The following CPED1 variants were observed in gnomAD, a reference collection of about 807,000 sequenced individuals.
CPED1 encodes cadherin like and PC-esterase domain containing 1.
CPED1 carries 114 observed loss-of-function variants against 128.2 expected under a neutral mutation model. The observed-to-expected ratio is 0.89, with a 90% CI of 0.76 to 1.04. The LOEUF is 1.04. Among genes scored for constraint, CPED1 ranks in the 50% least tolerant of loss-of-function variants. The pLI is 0.00. For synonymous variants in CPED1, 462 were observed against 426.7 expected (o/e 1.08, Z -1.02); for missense variants, 1,211 against 1,207.1 (o/e 1.00, Z -0.05).
chr7:121,019,415 A>C (rs182405620), intron 3 of CPED1, among the ~76,000 whole-genome samples: 1 of 152,174 alleles, frequency 6.6e-6, no homozygotes, highest in South Asian at 2.1e-4. Context: ...TCAGTGTTTT[A>C]TCTCATGCAG....
In CPED1 at chr7:121,130,254, C is replaced by T. The variant is rs1563038110; in HGVS notation, c.1537C>T (p.Gln513Ter). Reference protein sequence around the residue: ...WSLLNVFEQFQFMNKKTQPHP... With the variant: ...WSLLNVFEQF Reference sequence around the variant, plus strand: ...TCTTTTAAATGTATTTGAACAATTTCAGTTCATGAATAAAAAGACACAGCC... The same window carrying T: ...TCTTTTAAATGTATTTGAACAATTTTAGTTCATGAATAAAAAGACACAGCC... The change falls in exon 12 of 23, where the codon CAG becomes TAG. Residue 513 changes from glutamine (Q) to a stop codon, truncating the protein, a stop_gained. Transcript: ENST00000310396. LOFTEE classifies it high-confidence loss of function. The T allele has an allele frequency of 6.2e-7, 1 of 1,608,614 alleles. No homozygotes were observed. The highest frequency in any genetic ancestry group is 8.5e-7 in the Non-Finnish European group (1 of 1,177,802).
At chr7:121,114,869 G>C (rs1795198965) in intron 7 of CPED1, among the ~76,000 whole-genome samples, 1 of 152,180 alleles carries the variant, frequency 6.6e-6, no homozygotes, top group South Asian at 2.1e-4. Context: ...AAGGATAAAG[G>C]TACTTCTACT....
chr7:121,296,202 TGAAAG>T lies in CPED1; in HGVS notation c.*555_*559del, dbSNP rs1400878816. ...TCCTATACTTTTTAAATTTTATTAC[TGAAAG>T]GAAAAGAACAGGAATGTTCCACAAG... is the stretch of plus-strand genomic sequence containing the variant. On this transcript the variant is annotated 3_prime_UTR_variant, in exon 23 of 23. Transcript: ENST00000310396. The T allele has an allele frequency of 2.6e-5, 4 of 152,598 alleles. No homozygotes were observed. Among genetic ancestry groups the T allele is most frequent in the African/African-American group, 9.6e-5 (4 of 41,460 alleles). The allele number at this position is 152,598 out of a possible 1,614,324, so 9.5% of individuals were successfully genotyped here.
chr7:121,129,186 T>C (rs1262350685), intron 11 of CPED1, among the ~76,000 whole-genome samples: 5 of 150,728 alleles, frequency 3.3e-5, no homozygotes, highest in African/African-American at 1.2e-4. Context: ...GAAATATCTT[T>C]TTGAAATAGC....
At chr7:121,246,522 A>G (rs1798538311) in intron 18 of CPED1, among the ~76,000 whole-genome samples, 1 of 152,192 alleles carries the variant, frequency 6.6e-6, no homozygotes, top group African/African-American at 2.4e-5. Flanking sequence ...CAGCAAAGAG[A>G]GAGAAAGAGT....
chr7:121,088,177 G>A (rs1200668283), intron 5 of CPED1, among the ~76,000 whole-genome samples: 1 of 152,060 alleles, frequency 6.6e-6, no homozygotes, highest in African/African-American at 2.4e-5. Context: ...GTTATACAGG[G>A]CCATGCAAAC....
intron 22 of CPED1, among the ~76,000 whole-genome samples, chr7:121,291,099 G>A (rs1792691028): frequency 6.6e-6 from 1 of 152,218 alleles, no homozygotes; most frequent in African/African-American, 2.4e-5. Flanking sequence ...GTTTGTCAAA[G>A]ATCAGATGGT....
chr7:121,277,334 A>G (rs978200344), intron 22 of CPED1, among the ~76,000 whole-genome samples: 4 of 149,272 alleles, frequency 2.7e-5, no homozygotes, highest in Admixed American at 6.6e-5. Flanking sequence ...GAGATCTCCA[A>G]TGGGCAGTTG....
intron 3 of CPED1, among the ~76,000 whole-genome samples, chr7:121,036,345 C>T (rs1475752156): frequency 6.6e-6 from 1 of 152,016 alleles, no homozygotes; most frequent in East Asian, 1.9e-4. Context: ...CATAGCAGCT[C>T]CCACATAATA....
intron 21 of CPED1, among the ~76,000 whole-genome samples, chr7:121,270,666 T>C (rs1222874668): frequency 1.3e-5 from 2 of 152,050 alleles, no homozygotes; most frequent in African/African-American, 4.8e-5. Flanking sequence ...TTTTGTTGAG[T>C]TTGTTGAAAT....
chr7:121,162,273 T>C (rs1355497838), intron 16 of CPED1, among the ~76,000 whole-genome samples: 6 of 152,236 alleles, frequency 3.9e-5, no homozygotes, highest in Non-Finnish European at 8.8e-5. Flanking sequence ...TTTGGAAGGA[T>C]GATTCAGTAT....
chr7:121,156,724 A>T (rs949886467), intron 16 of CPED1, among the ~76,000 whole-genome samples: 5 of 152,230 alleles, frequency 3.3e-5, no homozygotes, highest in African/African-American at 4.8e-5. Context: ...ATATAGCTAT[A>T]CTTATTACCA....
intron 16 of CPED1, among the ~76,000 whole-genome samples, chr7:121,152,307 T>C (rs754377935): frequency 9.2e-5 from 14 of 152,254 alleles, no homozygotes; most frequent in Admixed American, 5.2e-4. Flanking sequence ...GGAAAATAAA[T>C]ATTGCATGTG....
intron 3 of CPED1, among the ~76,000 whole-genome samples, chr7:121,022,014 G>A (rs1685328817): frequency 6.6e-6 from 1 of 151,602 alleles, no homozygotes; most frequent in Non-Finnish European, 1.5e-5. Flanking sequence ...CTGAAATTCT[G>A]ACATACTCTC....
At chr7:121,187,758 C>A (rs1797037552) in intron 16 of CPED1, among the ~76,000 whole-genome samples, 1 of 152,100 alleles carries the variant, frequency 6.6e-6, no homozygotes, top group Non-Finnish European at 1.5e-5. Context: ...ATTATAAAAT[C>A]TCTACTAACC....
rs780263469 is a variant in CPED1, at chr7:121,236,837, T to C, written c.2173+6T>C. On this transcript the variant is annotated splice_donor_region_variant and intron_variant, in intron 17 of 22. Transcript: ENST00000310396. ...TCCATCTGGGGACATGAAAGGTGAC[T>C]ATCACATTGGATATCACTTCTCTAA... The C allele has an allele frequency of 7.0e-7, 1 of 1,430,910 alleles. No homozygotes were observed. The highest frequency in any genetic ancestry group is 1.2e-5 in the South Asian group (1 of 83,496). The allele number at this position is 1,430,910 out of a possible 1,614,324, so 88.6% of individuals were successfully genotyped here. A position where few individuals can be genotyped will look rare whatever the true frequency, so the allele number is the denominator to read the frequency against.
chr7:121,103,519 T>TA (rs1479755534), intron 7 of CPED1, among the ~76,000 whole-genome samples: 2 of 152,172 alleles, frequency 1.3e-5, no homozygotes, highest in African/African-American at 4.8e-5. Flanking sequence ...TCCTCAGAAA[T>TA]ACTGCTTTCT....
rs115877328 is a variant in CPED1 at position 121,006,760 on chromosome 7, T to C, written c.250-8905T>C. On this transcript the variant is annotated intron_variant, in intron 2 of 22. Coordinates refer to ENST00000310396, the MANE Select transcript of CPED1 (RefSeq NM_024913.5). ...TATCCCTGTGTTTTTGTAATCTCAG[T>C]TGGATCTGTGTTATGTCTGTGAGGT... 7.3e-3 allele frequency among the ~76,000 whole-genome samples: 1,106 copies of C among 152,268 alleles called. 21 individuals carry two copies. Among genetic ancestry groups the C allele is most frequent in the African/African-American group, 0.025 (1,047 of 41,562 alleles).
At position 121,256,119 on chromosome 7, in the gene CPED1, A is replaced by AAC. The variant is rs1562852684; in HGVS notation, c.2311-10107_2311-10106insCA. Among the ~76,000 whole-genome samples the AAC allele has an allele frequency of 2.0e-3, 183 of 90,456 alleles. 2 individuals carry two copies. Among genetic ancestry groups the AAC allele is most frequent in the African/African-American group, 5.2e-3 (177 of 33,848 alleles). The allele number at this position is 90,456 out of a possible 152,430, so 59.3% of individuals were successfully genotyped here. Reference sequence around the variant, plus strand: ...GTTAAAGCAATCCTAAGCAAAAAAAAAAAACAAAACAAAAAAAAAAAACAA... The same window carrying AAC: ...GTTAAAGCAATCCTAAGCAAAAAAAAACAAAACAAAACAAAAAAAAAAAACAA... On this transcript the variant is annotated intron_variant, in intron 18 of 22. Transcript: ENST00000310396.
Sources: allele counts gnomAD v4.1 joint callset (sites outside exome capture counted in the v4.1 genomes callset), GRCh38; gene constraint gnomAD v4.1.1; transcripts MANE v1.5; gene names NCBI Gene and HGNC (gene_info 2026-07-23, HGNC 2026-07-21).